SYT9: variants seen among roughly 807,000 people sequenced by gnomAD.
SYT9 encodes synaptotagmin-9.
In SYT9, 22 loss-of-function variants were observed where a neutral mutation model predicts 48.4. The observed-to-expected ratio is 0.45, with a 90% CI of 0.32 to 0.65. The LOEUF (loss-of-function observed/expected upper bound fraction) is 0.65, where lower values mean the gene tolerates loss of function less well. Ranked by LOEUF, SYT9 falls within the 30% of genes least tolerant of loss-of-function variation. The pLI, the probability that SYT9 is intolerant of heterozygous loss-of-function variation, is 0.03. For synonymous variants in SYT9, 265 were observed against 245.0 expected, an observed-to-expected ratio of 1.08 and a Z score of -0.76; for missense variants, 577 against 622.0, an observed-to-expected ratio of 0.93 and a Z score of 0.77.
intron 3 of SYT9, among the ~76,000 whole-genome samples, chr11:7,362,232 C>T (rs1478360283): frequency 6.7e-6 from 1 of 150,336 alleles, no homozygotes; most frequent in Admixed American, 6.6e-5. Flanking sequence ...GCAACCTCCA[C>T]CTCCTGGGTT....
chr11:7,412,854 T>C (rs927009528), intron 3 of SYT9, among the ~76,000 whole-genome samples: 1 of 152,090 alleles, frequency 6.6e-6, no homozygotes, highest in Non-Finnish European at 1.5e-5. Context: ...ATTGTGGTGG[T>C]TATCAGGGGG....
At chr11:7,376,880 T>C (rs1025723671) in intron 3 of SYT9, among the ~76,000 whole-genome samples, 2 of 151,856 alleles carry the variant, frequency 1.3e-5, no homozygotes, top group African/African-American at 4.8e-5. Context: ...TTTGTGACCA[T>C]GGGCAAGCTG....
At chr11:7,411,002 C>T (rs1847127841) in intron 3 of SYT9, among the ~76,000 whole-genome samples, 1 of 152,122 alleles carries the variant, frequency 6.6e-6, no homozygotes, top group Non-Finnish European at 1.5e-5. Flanking sequence ...TTACAGGCAC[C>T]TGGCACCACG....
chr11:7,307,520 G>T (rs971689210), intron 2 of SYT9, among the ~76,000 whole-genome samples: 1 of 152,112 alleles, frequency 6.6e-6, no homozygotes, highest in Non-Finnish European at 1.5e-5. Flanking sequence ...ATTTACTCTA[G>T]ACACAGATAT....
chr11:7,454,050 G>A (rs958517308), intron 6 of SYT9: 1 of 985,280 alleles, frequency 1.0e-6, no homozygotes, highest in Admixed American at 6.1e-5. Flanking sequence ...CACAGGGCAG[G>A]ATACCAATCC....
intron 6 of SYT9, among the ~76,000 whole-genome samples, chr11:7,430,401 T>G (rs1413276882): frequency 6.6e-6 from 1 of 152,188 alleles, no homozygotes; most frequent in African/African-American, 2.4e-5. Flanking sequence ...ATACTCAAAT[T>G]GTCAGAAACA....
chr11:7,368,009 A>G (rs1347992030), intron 3 of SYT9, among the ~76,000 whole-genome samples: 1 of 152,202 alleles, frequency 6.6e-6, no homozygotes, highest in Non-Finnish European at 1.5e-5. Flanking sequence ...CTGAAACACA[A>G]ATGTTTAAGT....
chr11:7,259,816 T>C lies in SYT9; in HGVS notation c.145+7485T>C, dbSNP rs142973581. On this transcript the variant is annotated intron_variant, in intron 1 of 6. Coordinates refer to ENST00000318881, the MANE Select transcript of SYT9 (RefSeq NM_175733.4). Reference sequence around the variant, plus strand: ...ATTAGCTCACAGAAGGAATATTGTATAGTGAATGAGCTCAGGTTGTCTGAC... The same window carrying C: ...ATTAGCTCACAGAAGGAATATTGTACAGTGAATGAGCTCAGGTTGTCTGAC... Among the ~76,000 whole-genome samples, 1,500 of 152,238 alleles carry C rather than the reference T, an allele frequency of 9.9e-3. 22 individuals carry two copies. Among genetic ancestry groups the C allele is most frequent in the African/African-American group, 0.035 (1,442 of 41,552 alleles).
intron 3 of SYT9, among the ~76,000 whole-genome samples, chr11:7,321,714 C>T (rs755389671): frequency 2.0e-5 from 3 of 152,042 alleles, no homozygotes; most frequent in Non-Finnish European, 4.4e-5. Context: ...CTGTTGGCAA[C>T]TGAATATATA....
intron 1 of SYT9, among the ~76,000 whole-genome samples, chr11:7,262,376 A>C (rs1426782113): frequency 6.6e-6 from 1 of 152,142 alleles, no homozygotes; most frequent in East Asian, 1.9e-4. Flanking sequence ...AGTTTGGGAA[A>C]GATGGCTAGG....
At chr11:7,285,295 A>C (rs1256249640) in intron 1 of SYT9, among the ~76,000 whole-genome samples, 1 of 152,224 alleles carries the variant, frequency 6.6e-6, no homozygotes, top group Non-Finnish European at 1.5e-5. Flanking sequence ...CAATCATGGC[A>C]GAAAGGGAAG....
chr11:7,366,886 T>G (rs1850254526), intron 3 of SYT9, among the ~76,000 whole-genome samples: 1 of 151,768 alleles, frequency 6.6e-6, no homozygotes, highest in Non-Finnish European at 1.5e-5. Flanking sequence ...TCATAAACAT[T>G]TATTATTATT....
At chr11:7,350,114 G>A (rs921883799) in intron 3 of SYT9, among the ~76,000 whole-genome samples, 10 of 152,322 alleles carry the variant, frequency 6.6e-5, no homozygotes, top group Middle Eastern at 3.4e-3. Context: ...ATAAGGATCA[G>A]GCTGGCCGGA....
chr11:7,371,864 T>A (rs1444474714), intron 3 of SYT9, among the ~76,000 whole-genome samples: 1 of 152,226 alleles, frequency 6.6e-6, no homozygotes, highest in Non-Finnish European at 1.5e-5. Flanking sequence ...TATTACCCTG[T>A]ATGAATATAG....
intron 1 of SYT9, among the ~76,000 whole-genome samples, chr11:7,277,460 C>A (rs1296561725): frequency 6.6e-6 from 1 of 151,960 alleles, no homozygotes; most frequent in Non-Finnish European, 1.5e-5. Context: ...GTCGACTTAA[C>A]AAAATCTAAA....
At position 7,431,793 on chromosome 11, in the gene SYT9, C is replaced by T. The variant is rs1451906685; in HGVS notation, c.1467+11158C>T. Among the ~76,000 whole-genome samples the T allele has an allele frequency of 2.6e-5, 4 of 152,382 alleles. No individual in the cohort carries two copies. In the South Asian group the frequency reaches 8.3e-4, roughly 32 times the overall value. On this transcript the variant is annotated intron_variant, in intron 6 of 6. Coordinates refer to ENST00000318881, the MANE Select transcript of SYT9 (RefSeq NM_175733.4). ...GAATGCAAGCCATAAGCTTGGGCAG[C>T]TTCCATGTGGCATTAAGCCTGCAGG...
At chr11:7,262,387 C>A (rs893783214) in intron 1 of SYT9, among the ~76,000 whole-genome samples, 20 of 151,962 alleles carry the variant, frequency 1.3e-4, no homozygotes, top group African/African-American at 4.8e-4. Context: ...GATGGCTAGG[C>A]TGAAGGTATA....
At chr11:7,316,197 C>T (rs919296924) in intron 3 of SYT9, among the ~76,000 whole-genome samples, 2 of 151,476 alleles carry the variant, frequency 1.3e-5, no homozygotes, top group Non-Finnish European at 2.9e-5. Flanking sequence ...AATGAACAGG[C>T]CTGAACCCAC....
At chr11:7,352,765 A>G (rs901431916) in intron 3 of SYT9, among the ~76,000 whole-genome samples, 2 of 152,214 alleles carry the variant, frequency 1.3e-5, no homozygotes, top group South Asian at 2.1e-4. Context: ...CATGTGAAAT[A>G]CACAGAGATT....
Sources: gnomAD v4.1 joint callset for allele counts (sites outside exome capture counted in the v4.1 genomes callset) on GRCh38, gnomAD v4.1.1 for gene constraint, MANE v1.5 for transcripts, NCBI Gene and HGNC (gene_info 2026-07-23, HGNC 2026-07-21) for gene names.